ZFAT: variants seen among roughly 807,000 people sequenced by gnomAD.
ZFAT encodes zinc finger protein ZFAT.
Under a neutral mutation model 117.7 loss-of-function variants are expected in ZFAT, and 64 were observed. The ratio of observed to expected loss-of-function variants is 0.54; its 90% CI spans 0.44 to 0.67. The LOEUF is 0.67. Ranked by LOEUF, ZFAT falls within the 30% of genes least tolerant of loss-of-function variation. The pLI is 0.00. For synonymous variants in ZFAT, 679 were observed against 615.0 expected (o/e 1.10, Z -1.54); for missense variants, 1,433 against 1,584.5 (o/e 0.90, Z 1.62).
At chr8:134,597,852 A>T (rs143632242) in intron 7 of ZFAT, 19 of 152,354 alleles carry the variant, frequency 1.2e-4, no homozygotes, top group African/African-American at 4.6e-4. Flanking sequence ...AGAGCTAATG[A>T]GAAGCAGGCT....
intron 11 of ZFAT, among the ~76,000 whole-genome samples, chr8:134,559,169 A>T (rs1563847786): frequency 6.6e-6 from 1 of 152,228 alleles, no homozygotes; most frequent in Non-Finnish European, 1.5e-5. Flanking sequence ...ATATATATAT[A>T]GGGAAAAGTC....
chr8:134,484,191 C>A (rs1392395218), intron 15 of ZFAT, among the ~76,000 whole-genome samples: 1 of 152,218 alleles, frequency 6.6e-6, no homozygotes, highest in African/African-American at 2.4e-5. Context: ...TATTACAATC[C>A]ACCTCTGCAC....
intron 12 of ZFAT, among the ~76,000 whole-genome samples, chr8:134,524,752 C>T (rs574474202): frequency 6.0e-4 from 92 of 152,328 alleles, no homozygotes; most frequent in African/African-American, 2.1e-3. Flanking sequence ...GCACTCAGTC[C>T]TCTCCTGGTA....
intron 1 of ZFAT, among the ~76,000 whole-genome samples, chr8:134,670,763 T>A (rs992823053): frequency 7.9e-5 from 12 of 151,886 alleles, no homozygotes; most frequent in African/African-American, 2.9e-4. Flanking sequence ...AGAGAAGAAC[T>A]GAAGGAGATA....
At position 134,516,401 on chromosome 8, in the gene ZFAT, T is replaced by A. The variant is rs536819118; in HGVS notation, c.3235-3800A>T. Among the ~76,000 whole-genome samples the A allele has an allele frequency of 3.9e-5, 6 of 152,342 alleles. No homozygotes were observed. In the South Asian group the frequency reaches 1.2e-3, roughly 32 times the overall value. On this transcript the variant is annotated intron_variant, in intron 13 of 15. Transcript: ENST00000377838. ...GATGATCATTGCTAAACCCATGACATCATTAGAAGGTTGCAACATGGTAAT... is the reference window on the plus strand; with the variant it reads ...GATGATCATTGCTAAACCCATGACAACATTAGAAGGTTGCAACATGGTAAT...
At chr8:134,524,856 C>T (rs1196987585) in intron 12 of ZFAT, among the ~76,000 whole-genome samples, 2 of 152,234 alleles carry the variant, frequency 1.3e-5, no homozygotes, top group Non-Finnish European at 2.9e-5. Flanking sequence ...ACCAACACTA[C>T]TAATAGCAAT....
At chr8:134,703,622 G>A (rs997571469) in intron 1 of ZFAT, among the ~76,000 whole-genome samples, 10 of 152,336 alleles carry the variant, frequency 6.6e-5, no homozygotes, top group African/African-American at 2.2e-4. Flanking sequence ...CTGAGCTTCT[G>A]TATCCTCACT....
intron 1 of ZFAT, among the ~76,000 whole-genome samples, chr8:134,665,284 T>C (rs905158684): frequency 2.0e-5 from 3 of 151,960 alleles, no homozygotes; most frequent in Non-Finnish European, 4.4e-5. Context: ...TCAGATGGAG[T>C]TGGCCTACTC....
At chr8:134,521,382 G>GA (rs1820642938) in intron 12 of ZFAT, among the ~76,000 whole-genome samples, 1 of 152,156 alleles carries the variant, frequency 6.6e-6, no homozygotes, top group Non-Finnish European at 1.5e-5. Flanking sequence ...GAGAACAATG[G>GA]AAAGGGAGTG....
chr8:134,537,885 C>T (rs1211395755), intron 11 of ZFAT, among the ~76,000 whole-genome samples: 1 of 152,146 alleles, frequency 6.6e-6, no homozygotes, highest in Non-Finnish European at 1.5e-5. Flanking sequence ...GAGATGGAGC[C>T]TCTAGGATGA....
At chr8:134,743,412 C>T in the ZFAT span, among the ~76,000 whole-genome samples, 1 of 152,074 alleles carries the variant, frequency 6.6e-6, no homozygotes, top group Non-Finnish European at 1.5e-5. Context: ...TAGCTTGAAC[C>T]TGGGAGGTGG....
the ZFAT span, among the ~76,000 whole-genome samples, chr8:134,777,780 G>A: frequency 0.025 from 3,821 of 152,208 alleles, 150 homozygotes; most frequent in African/African-American, 0.087. Flanking sequence ...CTATGACATT[G>A]TCTGAGTGCA....
intron 3 of ZFAT, among the ~76,000 whole-genome samples, chr8:134,611,136 G>C (rs779920333): frequency 6.6e-6 from 1 of 152,238 alleles, no homozygotes; most frequent in Non-Finnish European, 1.5e-5. Context: ...GGGAGAGGCA[G>C]ACATGCAAAC....
intron 1 of ZFAT, among the ~76,000 whole-genome samples, chr8:134,691,516 T>A (rs1198731080): frequency 6.6e-6 from 1 of 152,232 alleles, no homozygotes; most frequent in Non-Finnish European, 1.5e-5. Flanking sequence ...GCCTGCAGGC[T>A]TGCAATTTTG....
Position 134,655,026 on chromosome 8 carries a change from C to T in ZFAT, c.196+2535G>A, listed in dbSNP as rs144591547. Among the ~76,000 whole-genome samples, 597 of 152,286 alleles carry T rather than the reference C, an allele frequency of 3.9e-3. 2 individuals are homozygous for T. Among genetic ancestry groups the T allele is most frequent in the Middle Eastern group, 0.01 (3 of 294 alleles). On this transcript the variant is annotated intron_variant, in intron 2 of 15. Coordinates refer to ENST00000377838, the MANE Select transcript of ZFAT (RefSeq NM_020863.4). ...AAGCTGAGTGAGTCCCAGCCACATA[C>T]AGGAGTGAACCAGCAAGAACACCTG...
At chr8:134,506,317 C>T (rs939862993) in intron 15 of ZFAT, among the ~76,000 whole-genome samples, 1 of 152,210 alleles carries the variant, frequency 6.6e-6, no homozygotes, top group Non-Finnish European at 1.5e-5. Flanking sequence ...GGCCCTTCTG[C>T]CAGGCTGGAG....
At chr8:134,761,817 T>G in the ZFAT span, among the ~76,000 whole-genome samples, 1 of 152,172 alleles carries the variant, frequency 6.6e-6, no homozygotes, top group Non-Finnish European at 1.5e-5. Context: ...CAATATGCAC[T>G]TATTTTTCTC....
At chr8:134,828,280 T>C in the ZFAT span, among the ~76,000 whole-genome samples, 5 of 152,222 alleles carry the variant, frequency 3.3e-5, no homozygotes, top group African/African-American at 1.2e-4. Context: ...TCCTTCCATT[T>C]TTATAATATT....
chr8:134,678,698 G>C (rs949600356), intron 1 of ZFAT, among the ~76,000 whole-genome samples: 2 of 152,086 alleles, frequency 1.3e-5, no homozygotes, highest in African/African-American at 2.4e-5. Context: ...ATACTACAAG[G>C]CTACAGCAAC....
Sources: gnomAD v4.1 joint callset for allele counts (sites outside exome capture counted in the v4.1 genomes callset) on GRCh38, gnomAD v4.1.1 for gene constraint, MANE v1.5 for transcripts, NCBI Gene and HGNC (gene_info 2026-07-23, HGNC 2026-07-21) for gene names.